INTS6: variants seen among roughly 807,000 people sequenced by gnomAD.
INTS6 encodes integrator complex subunit 6, also known as DEAD box protein.
In INTS6, 16 loss-of-function variants were observed where a neutral mutation model predicts 104.9. The observed-to-expected ratio is 0.15, with a 90% CI of 0.10 to 0.23. The LOEUF (loss-of-function observed/expected upper bound fraction) is 0.23. Ranked by LOEUF, INTS6 falls within the 10% of genes least tolerant of loss-of-function variation. The probability of loss-of-function intolerance (pLI) is 1.00; values close to 1 mark genes in which losing one functional copy is unlikely to be tolerated. For missense variants in INTS6, 584 were observed against 1,062.8 expected (o/e 0.55, Z 6.26); for synonymous variants, 324 against 358.7 (o/e 0.90, Z 1.09).
Position 51,446,659 on chromosome 13 carries a change from G to A in INTS6, c.339+4366C>T, listed in dbSNP as rs539184835. The A allele has an allele frequency of 1.5e-3, 224 of 152,244 alleles. 9 individuals carry two copies. Among genetic ancestry groups the A allele is most frequent in the Admixed American group, 0.014 (216 of 15,296 alleles). The allele number at this position is 152,244 out of a possible 1,614,324, so 9.4% of individuals were successfully genotyped here. A position where few individuals can be genotyped will look rare whatever the true frequency, so the allele number is the denominator to read the frequency against. ...GCCAAGAAGTGGAAGCAACCCAAGT[G>A]ACTATCAATGGATATGTGGATAAGC... On this transcript the variant is annotated intron_variant, in intron 3 of 17. Coordinates refer to ENST00000311234, the MANE Select transcript of INTS6 (RefSeq NM_012141.3).
chr13:51,451,314 C>T, intron 2 of INTS6, 140 bp from the exon 3 acceptor site: 1 of 512,376 alleles, frequency 2.0e-6, no homozygotes, highest in Non-Finnish European at 3.1e-6. Flanking sequence ...TGTACCGCTG[C>T]TGAGGAAACT....
chr13:51,416,649 A>C lies in INTS6; in HGVS notation c.429+13645T>G, dbSNP rs1593734861. On this transcript the variant is annotated intron_variant, in intron 4 of 17. Coordinates refer to ENST00000311234, the MANE Select transcript of INTS6 (RefSeq NM_012141.3). ...GGTAATAGACATTTGTGTTGTTTCC[A>C]CCTTTTGGCTATTATGAATGACATT... is the stretch of plus-strand genomic sequence containing the variant. Among the ~76,000 whole-genome samples, 6 of 152,214 alleles carry C rather than the reference A, an allele frequency of 3.9e-5. 1 individual carries two copies. Among genetic ancestry groups the C allele is most frequent in the Admixed American group, 3.9e-4 (6 of 15,284 alleles).
At chr13:51,427,150 G>C (rs1314434754) in intron 4 of INTS6, among the ~76,000 whole-genome samples, 1 of 152,044 alleles carries the variant, frequency 6.6e-6, no homozygotes, top group Non-Finnish European at 1.5e-5. Context: ...ATATCATACA[G>C]GTGGAATTAT....
intron 15 of INTS6, among the ~76,000 whole-genome samples, chr13:51,371,852 T>G (rs544906945): frequency 5.3e-5 from 8 of 152,210 alleles, no homozygotes; most frequent in African/African-American, 1.9e-4. Flanking sequence ...TTTACCTTCC[T>G]CTAACTAAAT....
At chr13:51,436,442 A>G (rs1295638212) in intron 3 of INTS6, 1 of 152,190 alleles carries the variant, frequency 6.6e-6, no homozygotes, top group East Asian at 1.9e-4. Flanking sequence ...CAATTCCTTT[A>G]TTCAACCACG....
chr13:51,381,119 A>G (rs1298878375), intron 10 of INTS6, among the ~76,000 whole-genome samples: 5 of 152,218 alleles, frequency 3.3e-5, no homozygotes, highest in Non-Finnish European at 7.3e-5. Context: ...TAAGTAACCT[A>G]GAAATGGTTT....
rs1473685609 is a variant in INTS6, at chr13:51,365,407, A to C, written c.*345T>G. 6.4e-6 allele frequency: 1 copy of C among 157,244 alleles called. No individual in the cohort carries two copies. The highest frequency in any genetic ancestry group is 1.4e-5 in the Non-Finnish European group (1 of 71,476). 9.7% of individuals were successfully genotyped at this position (157,244 alleles called of 1,614,324 possible). A position where few individuals can be genotyped will look rare whatever the true frequency, so the allele number is the denominator to read the frequency against. ...AAGTAACTTCTTTTTTTTTTGGCAA[A>C]GTTCAACCTTAACAGAGGTGACAAT... On this transcript the variant is annotated 3_prime_UTR_variant, in exon 18 of 18. Coordinates refer to ENST00000311234, the MANE Select transcript of INTS6 (RefSeq NM_012141.3).
intron 4 of INTS6, among the ~76,000 whole-genome samples, chr13:51,407,118 T>G (rs918857514): frequency 1.3e-5 from 2 of 151,988 alleles, no homozygotes; most frequent in Non-Finnish European, 2.9e-5. Flanking sequence ...AGTCCCTCTG[T>G]CTGGTACAAT....
intron 3 of INTS6, among the ~76,000 whole-genome samples, chr13:51,433,903 C>T: frequency 6.6e-6 from 1 of 152,118 alleles, no homozygotes; most frequent in East Asian, 1.9e-4. Context: ...TCATTTGACC[C>T]TAAAAAAACT....
rs552790931 is a variant in INTS6 at position 51,416,931 on chromosome 13, T to G, written c.429+13363A>C. Among the ~76,000 whole-genome samples the G allele has an allele frequency of 3.3e-5, 5 of 152,346 alleles. No individual in the cohort carries two copies. In the East Asian group the frequency reaches 9.6e-4, roughly 29 times the overall value. ...ATTATATGTCATAGTAGGTGTAAAC[T>G]GCTATCTCATTATGGTTATAATCTG... is the stretch of plus-strand genomic sequence containing the variant. On this transcript the variant is annotated intron_variant, in intron 4 of 17. Transcript: ENST00000311234.
At chr13:51,449,476 A>G in intron 3 of INTS6, 1 of 985,366 alleles carries the variant, frequency 1.0e-6, no homozygotes, top group Non-Finnish European at 1.2e-6. Context: ...TTTTCGAAGG[A>G]AGCAATCTTT....
At chr13:51,431,381 T>C (rs1957087665) in intron 3 of INTS6, among the ~76,000 whole-genome samples, 1 of 152,130 alleles carries the variant, frequency 6.6e-6, no homozygotes, top group South Asian at 2.1e-4. Context: ...CACTTGGAGA[T>C]CTTAAAATGC....
At chr13:51,434,658 T>C (rs1260909968) in intron 3 of INTS6, among the ~76,000 whole-genome samples, 1 of 152,136 alleles carries the variant, frequency 6.6e-6, no homozygotes, top group Non-Finnish European at 1.5e-5. Flanking sequence ...ATTATATAAA[T>C]GTTTGACATT....
chr13:51,397,528 A>C (rs1421060660), intron 4 of INTS6, among the ~76,000 whole-genome samples: 1 of 152,162 alleles, frequency 6.6e-6, no homozygotes, highest in Non-Finnish European at 1.5e-5. Flanking sequence ...TGACAATTGT[A>C]AACAGCTCAG....
At chr13:51,371,470 T>TA (rs1475217520) in intron 15 of INTS6, among the ~76,000 whole-genome samples, 1 of 152,078 alleles carries the variant, frequency 6.6e-6, no homozygotes, top group Non-Finnish European at 1.5e-5. Context: ...TAAGTAAAAG[T>TA]GATATATCAC....
At chr13:51,403,573 C>T (rs559795538) in intron 4 of INTS6, among the ~76,000 whole-genome samples, 437 of 31,678 alleles carry the variant, frequency 0.014, 5 homozygotes, top group African/African-American at 0.059. Context: ...CAGAGTGAGA[C>T]TCCATTTCAA....
intron 2 of INTS6, among the ~76,000 whole-genome samples, chr13:51,451,761 CGGGAG>C (rs988506251): frequency 2.3e-4 from 34 of 148,620 alleles, no homozygotes; most frequent in African/African-American, 7.9e-4. Context: ...CGGGCCGGGC[CGGGAG>C]GGGACGGCGG....
At chr13:51,379,660 A>C in intron 10 of INTS6, 88 bp from the exon 11 acceptor site, 1 of 618,026 alleles carries the variant, frequency 1.6e-6, no homozygotes, top group Admixed American at 3.1e-5. Context: ...TTTTCTCCAA[A>C]AAATTATTTC....
downstream of INTS6, among the ~76,000 whole-genome samples, chr13:51,349,870 A>G (rs1164432857): frequency 6.6e-6 from 1 of 152,270 alleles, no homozygotes. Context: ...CAAGGAGGAT[A>G]GAGGTTTTTA....
Sources: allele counts gnomAD v4.1 joint callset (sites outside exome capture counted in the v4.1 genomes callset), GRCh38; gene constraint gnomAD v4.1.1; transcripts MANE v1.5; gene names NCBI Gene and HGNC (gene_info 2026-07-23, HGNC 2026-07-21).